C1QTNF4: variants seen among roughly 807,000 people sequenced by gnomAD.
The protein encoded by C1QTNF4 is C1q and TNF related 4.
In C1QTNF4, 12 loss-of-function variants were observed where a neutral mutation model predicts 14.6. The observed-to-expected ratio is 0.82, with a 90% CI of 0.53 to 1.33. C1QTNF4 has a LOEUF of 1.33. C1QTNF4 is among the 40% of genes most tolerant of loss of function. The probability of loss-of-function intolerance (pLI) is 0.00; values close to 1 mark genes in which losing one functional copy is unlikely to be tolerated. For missense variants in C1QTNF4, 558 were observed against 500.3 expected (o/e 1.12, Z -1.10); for synonymous variants, 278 against 246.6 (o/e 1.13, Z -1.19).
Position 47,589,716 on chromosome 11 carries a change from C to T in C1QTNF4, c.*105G>A. The stretch of plus-strand genomic sequence containing the variant: ...CCGCTTTCCGCTTTATTGGCAGAGT[C>T]CAGGCGCGCCCGGAGGCCGTGGCGC... On this transcript the variant is annotated 3_prime_UTR_variant, in exon 2 of 2. Coordinates refer to ENST00000302514, the MANE Select transcript of C1QTNF4 (RefSeq NM_031909.3). The T allele has an allele frequency of 2.6e-6, 3 of 1,144,870 alleles. No individual in the cohort carries two copies. Among genetic ancestry groups the T allele is most frequent in the Non-Finnish European group, 3.5e-6 (3 of 846,948 alleles). The allele number at this position is 1,144,870 out of a possible 1,614,324, so 70.9% of individuals were successfully genotyped here. A position where few individuals can be genotyped will look rare whatever the true frequency, so the allele number is the denominator to read the frequency against.
chr11:47,590,165 C>T lies in C1QTNF4; in HGVS notation c.646G>A (p.Ala216Thr), dbSNP rs374081763. ...EFVNIGGDFD[A>T]AAGVFRCRLP... ...CGGCAGCGGAACACGCCGGCCGCCGCGTCGAAGTCGCCGCCAATGTTGACG... is the reference window on the plus strand; with the variant it reads ...CGGCAGCGGAACACGCCGGCCGCCGTGTCGAAGTCGCCGCCAATGTTGACG... Residue 216 changes from alanine to threonine, a missense_variant, in exon 2 of 2, where the codon GCG (alanine) becomes ACG (threonine). Transcript: ENST00000302514. 235 of 1,601,620 alleles carry T rather than the reference C, an allele frequency of 1.5e-4. No individual in the cohort carries two copies. Among genetic ancestry groups the T allele is most frequent in the Non-Finnish European group, 1.9e-4 (226 of 1,176,250 alleles).
chr11:47,589,820 C>A lies in C1QTNF4; in HGVS notation c.*1G>T, dbSNP rs1342283729. Reference sequence around the variant, plus strand: ...TCCCGGGCTCTTCTCTGGCCCGGGGCTCACAGTAGCTCCGAGGCCCCGAGG... The same window carrying A: ...TCCCGGGCTCTTCTCTGGCCCGGGGATCACAGTAGCTCCGAGGCCCCGAGG... On this transcript the variant is annotated 3_prime_UTR_variant, in exon 2 of 2. Transcript: ENST00000302514. The A allele has an allele frequency of 5.2e-6, 8 of 1,528,926 alleles. No homozygotes were observed. The East Asian group carries it at 2.0e-4, about 38-fold the overall frequency. 94.7% of individuals were successfully genotyped at this position (1,528,926 alleles called of 1,614,324 possible). A position where few individuals can be genotyped will look rare whatever the true frequency, so the allele number is the denominator to read the frequency against.
chr11:47,591,921 T>C (rs1455198005), intron 1 of C1QTNF4, among the ~76,000 whole-genome samples: 1 of 152,212 alleles, frequency 6.6e-6, no homozygotes, highest in African/African-American at 2.4e-5. Context: ...GCACTGGCTC[T>C]CTGTGTCAAC....
At chr11:47,594,803 A>C (rs1339639911), upstream of C1QTNF4, 2 of 152,210 alleles carry the variant, frequency 1.3e-5, no homozygotes, top group Non-Finnish European at 2.9e-5. Flanking sequence ...GAGAAGGATA[A>C]ATGGGTCAAT....
intron 1 of C1QTNF4, among the ~76,000 whole-genome samples, chr11:47,592,499 G>A (rs889817603): frequency 6.6e-6 from 1 of 152,132 alleles, no homozygotes. Flanking sequence ...AGTTCTTGAC[G>A]TAAGGGTTTA....
chr11:47,590,401 T>G lies in C1QTNF4; in HGVS notation c.410A>C (p.His137Pro), dbSNP rs1275674300. 1 of 1,478,734 alleles carries G rather than the reference T, an allele frequency of 6.8e-7. No individual in the cohort carries two copies. Among genetic ancestry groups the G allele is most frequent in the East Asian group, 2.5e-5 (1 of 39,416 alleles). 91.6% of individuals were successfully genotyped at this position (1,478,734 alleles called of 1,614,324 possible). Residue 137 changes from histidine (H) to proline (P), a missense_variant, in exon 2 of 2, where the codon CAT becomes CCT. His to Pro is a moderately conservative substitution (Grantham distance 77). Transcript: ENST00000302514. The part of the protein sequence containing the change: ...DYGDTVWLRL[H>P]GAPQYALGAP... ...GCCTAGCGCGTACTGCGGGGCGCCA[T>G]GCAGCCGCAGCCACACTGTGTCGCC...
At chr11:47,594,800 A>G (rs908199938), upstream of C1QTNF4, 2 of 152,244 alleles carry the variant, frequency 1.3e-5, no homozygotes, top group African/African-American at 4.8e-5. Context: ...GAAGAGAAGG[A>G]TAAATGGGTC....
rs752677546 is a variant in C1QTNF4, at chr11:47,590,100, C to A, written c.711G>T (p.Lys237Asn). ...GAYFFSFTLGKLPRKTLSVKL... is the reference protein window; with the variant it reads ...GAYFFSFTLGNLPRKTLSVKL... ...TAACCGACAGCGTCTTACGCGGCAG[C>A]TTGCCCAGCGTGAAGGAGAAGAAGT... The change falls in exon 2 of 2, where the codon AAG (lysine) becomes AAT (asparagine). Residue 237 changes from lysine to asparagine, a missense_variant. Physicochemically the swap from Lys to Asn is moderately conservative, Grantham distance 94. Coordinates refer to ENST00000302514, the MANE Select transcript of C1QTNF4 (RefSeq NM_031909.3). 6.2e-7 allele frequency: 1 copy of A among 1,612,252 alleles called. No individual in the cohort carries two copies. The highest frequency in any genetic ancestry group is 8.5e-7 in the Non-Finnish European group (1 of 1,179,200).
In C1QTNF4 at chr11:47,590,142, GC is replaced by G; in HGVS notation, c.668del (p.Cys223SerfsTer25). 1 of 1,608,628 alleles carries G rather than the reference GC, an allele frequency of 6.2e-7. No individual in the cohort carries two copies. On this transcript the variant is annotated frameshift_variant, in exon 2 of 2. Coordinates refer to ENST00000302514, the MANE Select transcript of C1QTNF4 (RefSeq NM_031909.3). LOFTEE classifies it high-confidence loss of function. The part of the protein sequence containing the change: ...DFDAAAGVFR[C>X]RLPGAYFFSF... ...AGAAGAAGTAGGCGCCGGGCAGACG[GC>G]AGCGGAACACGCCGGCCGCCGCGTC... is the stretch of plus-strand genomic sequence containing the variant.
In C1QTNF4 at chr11:47,590,696, G is replaced by T. The variant is rs760277295; in HGVS notation, c.115C>A (p.Pro39Thr). ...RSAFSAARTTPLEGTSEMAVT... is the reference protein window; with the variant it reads ...RSAFSAARTTTLEGTSEMAVT... The stretch of plus-strand genomic sequence containing the variant: ...GCCATCTCCGACGTGCCCTCCAGGG[G>T]GGTGGTGCGTGCCGCCGAGAAGGCC... Residue 39 changes from proline to threonine, a missense_variant, in exon 2 of 2, where the codon CCC becomes ACC. Physicochemically the swap from Pro to Thr is conservative, Grantham distance 38. Coordinates refer to ENST00000302514, the MANE Select transcript of C1QTNF4 (RefSeq NM_031909.3). The T allele has an allele frequency of 1.2e-6, 2 of 1,610,736 alleles. No homozygotes were observed. Among genetic ancestry groups the T allele is most frequent in the Admixed American group, 3.3e-5 (2 of 59,896 alleles).
At position 47,589,765 on chromosome 11, in the gene C1QTNF4, G is replaced by C; in HGVS notation, c.*56C>G. On this transcript the variant is annotated 3_prime_UTR_variant, in exon 2 of 2. Coordinates refer to ENST00000302514, the MANE Select transcript of C1QTNF4 (RefSeq NM_031909.3). ...GCTCGCGCGGGACTTTCGAGCCTCC[G>C]GCCCGGCCTGGCATGCACGCCCCTG... The C allele has an allele frequency of 7.0e-7, 1 of 1,420,836 alleles. No individual in the cohort carries two copies. Among genetic ancestry groups the C allele is most frequent in the South Asian group, 1.5e-5 (1 of 66,172 alleles). 88.0% of individuals were successfully genotyped at this position (1,420,836 alleles called of 1,614,324 possible). A position where few individuals can be genotyped will look rare whatever the true frequency, so the allele number is the denominator to read the frequency against.
Position 47,594,262 on chromosome 11 carries a change from C to T in C1QTNF4, c.-120G>A, listed in dbSNP as rs1277400834. On this transcript the variant is annotated 5_prime_UTR_variant, in exon 1 of 2. Transcript: ENST00000302514. Reference sequence around the variant, plus strand: ...GGGTGCCGGGCTGCGCGCTGACCGCCCGCGCTGCGGCAGGGGCGGCGGGGG... The same window carrying T: ...GGGTGCCGGGCTGCGCGCTGACCGCTCGCGCTGCGGCAGGGGCGGCGGGGG... The T allele has an allele frequency of 6.6e-6, 1 of 152,290 alleles. No homozygotes were observed. Among genetic ancestry groups the T allele is most frequent in the Non-Finnish European group, 1.5e-5 (1 of 68,204 alleles). 9.4% of individuals were successfully genotyped at this position (152,290 alleles called of 1,614,324 possible).
intron 1 of C1QTNF4, among the ~76,000 whole-genome samples, chr11:47,592,312 T>C (rs1376825500): frequency 1.3e-5 from 2 of 152,168 alleles, no homozygotes; most frequent in Admixed American, 6.5e-5. Context: ...CTGTGAAACC[T>C]TGGGCAGGTT....
In C1QTNF4 at chr11:47,590,552, G is replaced by GC. The variant is rs748981808; in HGVS notation, c.258dup (p.His87AlafsTer77). The GC allele has an allele frequency of 1.2e-6, 2 of 1,600,702 alleles. No individual in the cohort carries two copies. The highest frequency in any genetic ancestry group is 1.7e-6 in the Non-Finnish European group (2 of 1,174,800). ...ACCAGCATCACCGACAGGCTCTTGT[G>GC]CGGGGCCTTGCCAGCCGTGAAGGAG... is the stretch of plus-strand genomic sequence containing the variant. On this transcript the variant is annotated frameshift_variant, in exon 2 of 2. Transcript: ENST00000302514. LOFTEE classifies it high-confidence loss of function.
chr11:47,590,011 C>T lies in C1QTNF4; in HGVS notation c.800G>A (p.Arg267His), dbSNP rs756509097. 1 of 1,611,600 alleles carries T rather than the reference C, an allele frequency of 6.2e-7. No individual in the cohort carries two copies. The highest frequency in any genetic ancestry group is 1.1e-5 in the South Asian group (1 of 90,994). Residue 267 changes from arginine (R) to histidine (H), a missense_variant, in exon 2 of 2, where the codon CGC becomes CAC. Arg to His is a conservative substitution (Grantham distance 29). Coordinates refer to ENST00000302514, the MANE Select transcript of C1QTNF4 (RefSeq NM_031909.3). ...CATCACGCTCTGGCTCTGCATCTCG[C>T]GGCGCCGCGACGCGCCGTCGTCGTA... ...MIYDDGASRR[R>H]EMQSQSVMLA...
At chr11:47,592,416 C>A (rs2097276113) in intron 1 of C1QTNF4, among the ~76,000 whole-genome samples, 1 of 152,126 alleles carries the variant, frequency 6.6e-6, no homozygotes, top group African/African-American at 2.4e-5. Flanking sequence ...TAGGTGTGAA[C>A]ATGGTTTGTC....
Position 47,590,281 on chromosome 11 carries a change from G to A in C1QTNF4, c.530C>T (p.Ser177Leu). 8.1e-7 allele frequency: 1 copy of A among 1,227,364 alleles called. No individual in the cohort carries two copies. 76.0% of individuals were successfully genotyped at this position (1,227,364 alleles called of 1,614,324 possible). The change falls in exon 2 of 2, where the codon TCG becomes TTG. Residue 177 changes from serine to leucine, a missense_variant. Physicochemically the swap from Ser to Leu is moderately radical, Grantham distance 145. Coordinates refer to ENST00000302514, the MANE Select transcript of C1QTNF4 (RefSeq NM_031909.3). ...RGPPAPPEPR[S>L]AFSAARTRSL... ...GCGCGTGCGCGCCGCCGAGAAGGCC[G>A]AGCGCGGCTCGGGGGGCGCGGGCGG...
intron 1 of C1QTNF4, among the ~76,000 whole-genome samples, chr11:47,591,096 T>G (rs1457135442): frequency 6.6e-6 from 1 of 152,226 alleles, no homozygotes; most frequent in African/African-American, 2.4e-5. Flanking sequence ...TTGTTTGTTT[T>G]GAGATGGAGT....
In C1QTNF4 at chr11:47,590,421, G is replaced by A. The variant is rs2097274740; in HGVS notation, c.390C>T (p.Asp130=). 6.6e-7 allele frequency: 1 copy of A among 1,503,858 alleles called. No homozygotes were observed. Among genetic ancestry groups the A allele is most frequent in the South Asian group, 1.3e-5 (1 of 79,402 alleles). The allele number at this position is 1,503,858 out of a possible 1,614,324, so 93.2% of individuals were successfully genotyped here. Residue 130 remains aspartate, a synonymous_variant, in exon 2 of 2, where the codon GAC becomes GAT. Transcript: ENST00000302514. ...CGCCATGCAGCCGCAGCCACACTGT[G>A]TCGCCGTAGTCGAGCTGCAGCATGG... ...QSAMLQLDYG[D]TVWLRLHGAP...
Sources: allele counts gnomAD v4.1 joint callset (sites outside exome capture counted in the v4.1 genomes callset), GRCh38; gene constraint gnomAD v4.1.1; transcripts MANE v1.5; gene names NCBI Gene and HGNC (gene_info 2026-07-23, HGNC 2026-07-21).